Variants in CLUH observed in about 807,000 individuals in gnomAD.
CLUH encodes the protein clustered mitochondria protein homolog.
A neutral mutation model predicts 139.3 loss-of-function variants in CLUH; 77 were observed. That is an observed-to-expected ratio of 0.55 (90% CI 0.46 to 0.67). The LOEUF (loss-of-function observed/expected upper bound fraction) is 0.67, where lower values mean the gene tolerates loss of function less well. Among genes scored for constraint, CLUH ranks in the 30% least tolerant of loss-of-function variants. The pLI is 0.00. For missense variants in CLUH, 1,876 were observed against 1,875.8 expected (o/e 1.00, Z 0.00); for synonymous variants, 999 against 801.6 (o/e 1.25, Z -4.16).
intron 9 of CLUH, 64 bp downstream of exon 9, chr17:2,700,318 G>A (rs1326721560): frequency 3.4e-6 from 5 of 1,483,248 alleles, no homozygotes; most frequent in Admixed American, 1.9e-5. Context: ...TCCTCTCCAT[G>A]AGAAAACCCG....
At chr17:2,694,653 C>T (rs113104780) in intron 16 of CLUH, 89 bp from the exon 17 acceptor site, 16 of 1,394,598 alleles carry the variant, frequency 1.1e-5, no homozygotes, top group Admixed American at 6.2e-5. Flanking sequence ...CTGTCCAGCC[C>T]GGGCCCCCAA....
rs2070363689 is a variant in CLUH, at chr17:2,706,785, G to C, written c.101-2221C>G. Among the ~76,000 whole-genome samples, 1 of 152,152 alleles carries C rather than the reference G, an allele frequency of 6.6e-6. No individual in the cohort carries two copies. Among genetic ancestry groups the C allele is most frequent in the Admixed American group, 6.5e-5 (1 of 15,278 alleles). On this transcript the variant is annotated intron_variant, in intron 1 of 25. Transcript: ENST00000651024. The surrounding 1 kb of genome is among the most constrained non-coding windows in gnomAD (Gnocchi z 4.6). Reference sequence around the variant, plus strand: ...GGCTGCCAAGCCCCTGGAATAAGGGGAGAAGCAGGAAGGGCCCCCACCCAA... The same window carrying C: ...GGCTGCCAAGCCCCTGGAATAAGGGCAGAAGCAGGAAGGGCCCCCACCCAA...
At chr17:2,691,572 C>G (rs1450774875) in intron 25 of CLUH, 37 bp downstream of exon 25, 1 of 1,597,684 alleles carries the variant, frequency 6.3e-7, no homozygotes, top group Non-Finnish European at 8.5e-7. Flanking sequence ...CAAAAAACCC[C>G]CAACCGGGAG....
Position 2,707,474 on chromosome 17 carries a change from A to AC in CLUH, c.101-2911dup, listed in dbSNP as rs2070383073. On this transcript the variant is annotated intron_variant, in intron 1 of 25. Coordinates refer to ENST00000651024, the MANE Select transcript of CLUH (RefSeq NM_001366661.1). This position sits in a 1 kb window ranked among gnomAD's most constrained non-coding sequence, Gnocchi z 7.4. ...GCCAGGAGAACCCGGTGGCCCCAGG[A>AC]CCCCAGGGGGAGCTGCTATCAGCAC... 1.0e-6 allele frequency: 1 copy of AC among 985,232 alleles called. No individual in the cohort carries two copies. Among genetic ancestry groups the AC allele is most frequent in the South Asian group, 4.7e-5 (1 of 21,272 alleles). 61.0% of individuals were successfully genotyped at this position (985,232 alleles called of 1,614,324 possible). A position where few individuals can be genotyped will look rare whatever the true frequency, so the allele number is the denominator to read the frequency against.
rs955103598 is a variant in CLUH, at chr17:2,691,558, C to T, written c.3863+51G>A. The T allele has an allele frequency of 4.5e-6, 7 of 1,569,828 alleles. No homozygotes were observed. In the Admixed American group the frequency reaches 8.8e-5, roughly 20 times the overall value. On this transcript the variant is annotated intron_variant, in intron 25 of 25. Transcript: ENST00000651024. ...CCCGGGTGACAGGGCGAGACTCCGA[C>T]TCACAAAAAACCCCCAACCGGGAGA...
Position 2,695,235 on chromosome 17 carries a change from A to G in CLUH, c.2590T>C (p.Phe864Leu). Residue 864 changes from phenylalanine (F) to leucine (L), a missense_variant, in exon 15 of 26, where the codon TTC becomes CTC. By Grantham distance (22) the Phe-to-Leu change is conservative. Transcript: ENST00000651024. ...ELITRSAKHI[F>L]KTYLQGVELS... is the part of the protein sequence containing the mutation. ...GGTGGCACCTGTAAGTACGTCTTGA[A>G]GATGTGCTTGGCCGAGCGGGTGATG... The G allele has an allele frequency of 6.8e-6, 11 of 1,613,896 alleles. No individual in the cohort carries two copies. Among genetic ancestry groups the G allele is most frequent in the Non-Finnish European group, 8.5e-6 (10 of 1,179,854 alleles).
Position 2,695,271 on chromosome 17 carries a change from T to C in CLUH, c.2554A>G (p.Ile852Val), listed in dbSNP as rs2069891857. ...GCCGAGCGGGTGATGAGTTCTCCAA[T>C]GCCGATTTTCTGGAAGGATTCAGAA... ...HQLDHVFKIG[I>V]GELITRSAKH... is the part of the protein sequence containing the mutation. Residue 852 changes from isoleucine to valine, a missense_variant, in exon 15 of 26, where the codon ATT (isoleucine) becomes GTT (valine). Around this residue, in one of 3 missense-constraint regions of CLUH, gnomAD observed 1,454 missense variants for 1,384.4 expected, o/e 1.05. Transcript: ENST00000651024. The C allele has an allele frequency of 6.2e-7, 1 of 1,613,718 alleles. No individual in the cohort carries two copies. The highest frequency in any genetic ancestry group is 1.7e-5 in the Admixed American group (1 of 60,002).
chr17:2,700,036 C>T (rs769305840), intron 9 of CLUH, among the ~76,000 whole-genome samples: 30 of 152,242 alleles, frequency 2.0e-4, no homozygotes, highest in Non-Finnish European at 4.1e-4. Flanking sequence ...CAAATGAGCA[C>T]CCGCCCTAGA....
chr17:2,691,625 G>C lies in CLUH; in HGVS notation c.3847C>G (p.Leu1283Val). 6.2e-7 allele frequency: 1 copy of C among 1,612,766 alleles called. No homozygotes were observed. The highest frequency in any genetic ancestry group is 1.3e-5 in the African/African-American group (1 of 75,016). The change falls in exon 25 of 26, where the codon CTC (leucine) becomes GTC (valine). Residue 1283 changes from leucine to valine, a missense_variant. By Grantham distance (32) the Leu-to-Val change is conservative. Coordinates refer to ENST00000651024, the MANE Select transcript of CLUH (RefSeq NM_001366661.1). ...AGGCCTCACCTGAGAGGAATGAAGA[G>C]GATGCCGTTAATGACGTTCAGCTGC... ...LEQLNVINGI[L>V]FIPLSQKDLE...
At chr17:2,710,113 C>T (rs1457910259) in intron 1 of CLUH, among the ~76,000 whole-genome samples, 3 of 152,246 alleles carry the variant, frequency 2.0e-5, no homozygotes, top group Non-Finnish European at 4.4e-5. Flanking sequence ...GCAGCCTTGG[C>T]TTGCTGGCCA....
In CLUH at chr17:2,695,363, G is replaced by A. The variant is rs748906708; in HGVS notation, c.2544+11C>T. 6.2e-7 allele frequency: 1 copy of A among 1,613,030 alleles called. No individual in the cohort carries two copies. The highest frequency in any genetic ancestry group is 2.2e-5 in the East Asian group (1 of 44,866). On this transcript the variant is annotated intron_variant, in intron 14 of 25. Coordinates refer to ENST00000651024, the MANE Select transcript of CLUH (RefSeq NM_001366661.1). ...CAGCTCCCGTTCCGCCCCACCCCGG[G>A]CAGCACTCACAAAGACGTGGTCCAG...
chr17:2,698,420 C>G lies in CLUH; in HGVS notation c.1437G>C (p.Gly479=). Residue 479 remains glycine, a synonymous_variant, in exon 10 of 26, where the codon GGG becomes GGC. Coordinates refer to ENST00000651024, the MANE Select transcript of CLUH (RefSeq NM_001366661.1). ...TGGGCGCCACGTAGGCCGCCACGTC[C>G]CCCCCGAAGTCCTTGTAGTGGTCTC... ...DVRDHYKDFG[G]DVAAYVAPTN... 1 of 1,613,364 alleles carries G rather than the reference C, an allele frequency of 6.2e-7. No individual in the cohort carries two copies. The highest frequency in any genetic ancestry group is 2.2e-5 in the East Asian group (1 of 44,872).
At position 2,704,288 on chromosome 17, in the gene CLUH, C is replaced by T; in HGVS notation, c.303+74G>A. 6.7e-7 allele frequency: 1 copy of T among 1,487,618 alleles called. No individual in the cohort carries two copies. The highest frequency in any genetic ancestry group is 1.4e-5 in the African/African-American group (1 of 71,776). 92.2% of individuals were successfully genotyped at this position (1,487,618 alleles called of 1,614,324 possible). ...AAAATGGGGCCGGTAGGAGCACGAGCAAGGCTGAGCTTTCCAGCTCACCCT... is the reference window on the plus strand; with the variant it reads ...AAAATGGGGCCGGTAGGAGCACGAGTAAGGCTGAGCTTTCCAGCTCACCCT... On this transcript the variant is annotated intron_variant, in intron 2 of 25. Coordinates refer to ENST00000651024, the MANE Select transcript of CLUH (RefSeq NM_001366661.1). This position sits in a 1 kb window ranked among gnomAD's most constrained non-coding sequence, Gnocchi z 5.7.
chr17:2,699,056 G>A (rs990432661), intron 9 of CLUH, among the ~76,000 whole-genome samples: 5 of 151,940 alleles, frequency 3.3e-5, no homozygotes, highest in Admixed American at 1.3e-4. Flanking sequence ...CTAAAAAAGC[G>A]CAAACAAACC....
chr17:2,707,891 G>C lies in CLUH; in HGVS notation c.101-3327C>G, dbSNP rs1314121190. On this transcript the variant is annotated intron_variant, in intron 1 of 25. Transcript: ENST00000651024. This position sits in a 1 kb window ranked among gnomAD's most constrained non-coding sequence, Gnocchi z 7.4. ...GGGAGTCACTGGTTCTGGTGGAAGG[G>C]AGGGGGATGGGCCCCCAGCTTCCCA... is the stretch of plus-strand genomic sequence containing the variant. 1 of 985,348 alleles carries C rather than the reference G, an allele frequency of 1.0e-6. No homozygotes were observed. Among genetic ancestry groups the C allele is most frequent in the Non-Finnish European group, 1.2e-6 (1 of 829,934 alleles). 61.0% of individuals were successfully genotyped at this position (985,348 alleles called of 1,614,324 possible). A position where few individuals can be genotyped will look rare whatever the true frequency, so the allele number is the denominator to read the frequency against.
Position 2,704,363 on chromosome 17 carries a change from T to C in CLUH, c.302A>G (p.Gln101Arg), listed in dbSNP as rs768559063. Residue 101 changes from glutamine to arginine, a missense_variant and splice_region_variant, in exon 2 of 26, where the codon CAG becomes CGG. Transcript: ENST00000651024. The surrounding 1 kb of genome is among the most constrained non-coding windows in gnomAD (Gnocchi z 5.7). The stretch of plus-strand genomic sequence containing the variant: ...CCAGCACCCGTTCCTCCATCTTACC[T>C]GCAGGGAGAAGGGCTCGATCCCAGG... ...LAPGIEPFSL[Q>R]VSPQEMVQEI... The C allele has an allele frequency of 3.1e-6, 5 of 1,609,704 alleles. No homozygotes were observed. The highest frequency in any genetic ancestry group is 4.2e-6 in the Non-Finnish European group (5 of 1,178,180).
rs533588934 is a variant in CLUH, at chr17:2,698,570, C to T, written c.1287G>A (p.Ala429=). 24 of 1,606,214 alleles carry T rather than the reference C, an allele frequency of 1.5e-5. No individual in the cohort carries two copies. In the East Asian group the frequency reaches 3.1e-4, roughly 21 times the overall value. The change falls in exon 10 of 26, where the codon GCG becomes GCA. Residue 429 remains alanine (A), a synonymous_variant. Transcript: ENST00000651024. ...AIFKVHSDFT[A]AATRGAMAVI... ...CGGCCATGGCGCCCCTGGTGGCTGC[C>T]GCGGTGAAGTCGCTGTGCACCTGGC...
In CLUH at chr17:2,711,745, G is replaced by T; in HGVS notation, c.-84C>A. On this transcript the variant is annotated 5_prime_UTR_variant, in exon 1 of 26. Transcript: ENST00000651024. ...AAGTGCCCTGCGCGCCGCGGCTGCT[G>T]AGGGAAGGACGGAGTCACCGGCCCA... 1 of 550,418 alleles carries T rather than the reference G, an allele frequency of 1.8e-6. No individual in the cohort carries two copies. The highest frequency in any genetic ancestry group is 2.3e-6 in the Non-Finnish European group (1 of 432,634). 34.1% of individuals were successfully genotyped at this position (550,418 alleles called of 1,614,324 possible).
At position 2,698,153 on chromosome 17, in the gene CLUH, G is replaced by T. The variant is rs886896233; in HGVS notation, c.1704C>A (p.Ile568=). The stretch of plus-strand genomic sequence containing the variant: ...GGTCGTTGAGCACCTGGTGCCGCAG[G>T]ATCTTGAGGGGCCGACTCGTGCGCT... ...LLERTSRPLK[I]LRHQVLNDRD... is the part of the protein sequence containing the mutation. The change falls in exon 10 of 26, where the codon ATC becomes ATA. Residue 568 remains isoleucine (I), a synonymous_variant. Transcript: ENST00000651024. The T allele has an allele frequency of 5.7e-6, 9 of 1,580,212 alleles. No individual in the cohort carries two copies. The highest frequency in any genetic ancestry group is 7.7e-6 in the Non-Finnish European group (9 of 1,164,288).
Sources: allele counts gnomAD v4.1 joint callset (sites outside exome capture counted in the v4.1 genomes callset), GRCh38; gene constraint gnomAD v4.1.1; regional missense constraint gnomAD v4.1.1; non-coding constraint Gnocchi (gnomAD v3.1); transcripts MANE v1.5; gene names NCBI Gene and HGNC (gene_info 2026-07-23, HGNC 2026-07-21).